AK9: variants seen among roughly 807,000 people sequenced by gnomAD.
The protein encoded by AK9 is adenylate kinase domain containing 1.
A neutral mutation model predicts 239.6 loss-of-function variants in AK9; 191 were observed. That is an observed-to-expected ratio of 0.80 (90% confidence interval 0.71 to 0.90). AK9 has a LOEUF of 0.90. Among genes scored for constraint, AK9 ranks in the 40% least tolerant of loss-of-function variants. The probability of loss-of-function intolerance (pLI) is 0.00; values close to 1 mark genes in which losing one functional copy is unlikely to be tolerated. For synonymous variants in AK9, 689 were observed against 721.0 expected (o/e 0.96, Z 0.71); for missense variants, 1,995 against 2,214.7 (o/e 0.90, Z 1.99).
chr6:109,494,445 G>T (rs940396305), intron 39 of AK9: 1 of 167,136 alleles, frequency 6.0e-6, no homozygotes, highest in African/African-American at 2.4e-5. Flanking sequence ...ATCTTGGCCC[G>T]TATCTGCTTT....
At chr6:109,669,336 AGG>A (rs1386763470) in intron 5 of AK9, among the ~76,000 whole-genome samples, 8 of 152,226 alleles carry the variant, frequency 5.3e-5, no homozygotes, top group African/African-American at 1.9e-4. Flanking sequence ...ATCTGCAAAC[AGG>A]GACAATTTGA....
At chr6:109,632,225 C>A (rs1796157565) in intron 12 of AK9, 1 of 985,258 alleles carries the variant, frequency 1.0e-6, no homozygotes, top group African/African-American at 1.7e-5. Flanking sequence ...TAAAAGAATG[C>A]AACAGCACTT....
chr6:109,564,667 G>T, intron 22 of AK9, 89 bp downstream of exon 22: 1 of 915,040 alleles, frequency 1.1e-6, no homozygotes, highest in Non-Finnish European at 1.6e-6. Flanking sequence ...TAAGTATGAC[G>T]CACCTACTAT....
At chr6:109,580,578 G>A (rs1040205208) in intron 19 of AK9, among the ~76,000 whole-genome samples, 49 of 152,274 alleles carry the variant, frequency 3.2e-4, no homozygotes, top group African/African-American at 1.1e-3. Flanking sequence ...CCTCAGACCT[G>A]TTATTTTCTC....
intron 3 of AK9, among the ~76,000 whole-genome samples, chr6:109,673,693 A>AC (rs1333066377): frequency 2.6e-5 from 4 of 152,138 alleles, no homozygotes; most frequent in Admixed American, 2.6e-4. Context: ...ATAAAAAGAC[A>AC]CCCAAACACA....
chr6:109,651,069 C>T (rs931007121), intron 8 of AK9, among the ~76,000 whole-genome samples: 26 of 150,188 alleles, frequency 1.7e-4, no homozygotes, highest in African/African-American at 4.6e-4. Context: ...CATCACACAC[C>T]GGGGACTGTT....
intron 5 of AK9, among the ~76,000 whole-genome samples, chr6:109,671,214 T>C (rs1770834834): frequency 6.6e-6 from 1 of 152,240 alleles, no homozygotes; most frequent in South Asian, 2.1e-4. Flanking sequence ...TGTCTTCTTC[T>C]AACTTACTAA....
chr6:109,506,391 T>C lies in AK9; in HGVS notation c.4785A>G (p.Glu1595=), dbSNP rs760378066. ...GFHSKWWVWN[E]VIKNVQMVNK... ...TCACCATTTGAACATTCTTAATGAC[T>C]TCATTCCATACCCACCATTTGCTGT... The change falls in exon 35 of 41, where the codon GAA becomes GAG. Residue 1595 remains glutamate, a synonymous_variant. Coordinates refer to ENST00000424296, the MANE Select transcript of AK9 (RefSeq NM_001145128.3). 6.2e-7 allele frequency: 1 copy of C among 1,613,894 alleles called. No homozygotes were observed. The highest frequency in any genetic ancestry group is 8.5e-7 in the Non-Finnish European group (1 of 1,179,950).
At position 109,573,550 on chromosome 6, in the gene AK9, C is replaced by T; in HGVS notation, c.2236G>A (p.Asp746Asn). ...DNEDEEEIEG[D>N]ELEVHEEPEA... ...GGCTCTTCGTGAACTTCCAACTCAT[C>T]ACCTTCAATCTCCTCTTCATCCTCA... Residue 746 changes from aspartate to asparagine, a missense_variant, in exon 21 of 41, where the codon GAT (aspartate) becomes AAT (asparagine). By Grantham distance (23) the Asp-to-Asn change is conservative. Transcript: ENST00000424296. The T allele has an allele frequency of 6.4e-7, 1 of 1,550,930 alleles. No individual in the cohort carries two copies.
At chr6:109,541,608 C>T (rs1782894139) in intron 27 of AK9, among the ~76,000 whole-genome samples, 2 of 152,270 alleles carry the variant, frequency 1.3e-5, no homozygotes, top group Admixed American at 6.5e-5. Context: ...CAGAGTTTCT[C>T]CATGTTGGTC....
chr6:109,562,036 G>T (rs1352050294), intron 24 of AK9, among the ~76,000 whole-genome samples: 2 of 152,148 alleles, frequency 1.3e-5, no homozygotes, highest in African/African-American at 2.4e-5. Flanking sequence ...GACACTCAAA[G>T]AAAATGCTTA....
In AK9 at chr6:109,583,641, T is replaced by C. The variant is rs372251602; in HGVS notation, c.2114+1482A>G. Among the ~76,000 whole-genome samples the C allele has an allele frequency of 4.4e-4, 67 of 151,940 alleles. 2 individuals are homozygous for C. The South Asian group carries it at 0.014, about 31-fold the overall frequency. On this transcript the variant is annotated intron_variant, in intron 19 of 40. Transcript: ENST00000424296. ...AATCTGGGCAGGTGATATTAAGGAG[T>C]TTATAAAGATGTAAAAATTTAGAAT...
At chr6:109,621,908 A>AC (rs1562506436) in intron 12 of AK9, among the ~76,000 whole-genome samples, 32 of 40,738 alleles carry the variant, frequency 7.9e-4, no homozygotes, top group African/African-American at 1.5e-3. Context: ...AAAAAAAAAA[A>AC]AAAACAAAAA....
intron 17 of AK9, among the ~76,000 whole-genome samples, chr6:109,603,532 A>G (rs1562481139): frequency 6.6e-6 from 1 of 152,106 alleles, no homozygotes; most frequent in East Asian, 1.9e-4. Flanking sequence ...GACCCACTTG[A>G]GGAGGCAGTC....
At chr6:109,579,256 C>T (rs1027632960) in intron 20 of AK9, 8 of 241,334 alleles carry the variant, frequency 3.3e-5, no homozygotes, top group Admixed American at 5.6e-5. Context: ...AAAGACAAGC[C>T]GTGTGTGCTA....
chr6:109,550,251 AGT>A lies in AK9; in HGVS notation c.2801_2802del (p.His934LeufsTer34). 6.2e-7 allele frequency: 1 copy of A among 1,613,026 alleles called. No individual in the cohort carries two copies. The highest frequency in any genetic ancestry group is 1.3e-5 in the African/African-American group (1 of 75,014). On this transcript the variant is annotated frameshift_variant, in exon 25 of 41. Coordinates refer to ENST00000424296, the MANE Select transcript of AK9 (RefSeq NM_001145128.3). LOFTEE classifies it high-confidence loss of function. ...ERKRHLGDTK[H>X]FCPVVLKENF... ...TTTTCTTTGAGGACCACCGGACAAA[AGT>A]GTTTTGTGTCTCCCAAATGCCTCTT...
intron 17 of AK9, among the ~76,000 whole-genome samples, chr6:109,593,235 C>A (rs1178396821): frequency 2.0e-5 from 3 of 151,964 alleles, no homozygotes; most frequent in Admixed American, 1.3e-4. Flanking sequence ...CTTTCATATC[C>A]TAAATTGTTT....
intron 8 of AK9, among the ~76,000 whole-genome samples, chr6:109,645,617 C>T (rs12205140): frequency 0.35 from 52,580 of 152,088 alleles, 9,558 homozygotes; most frequent in South Asian, 0.44. Flanking sequence ...GTAGACTCCA[C>T]CTCTGGGGGC....
At chr6:109,493,707 A>G in intron 40 of AK9, 136 bp from the exon 41 acceptor site, 1 of 848,728 alleles carries the variant, frequency 1.2e-6, no homozygotes, top group Non-Finnish European at 1.8e-6. Context: ...TAAAATCTGG[A>G]GATTATTCTG....
Sources: allele counts gnomAD v4.1 joint callset (sites outside exome capture counted in the v4.1 genomes callset), GRCh38; gene constraint gnomAD v4.1.1; transcripts MANE v1.5; gene names NCBI Gene and HGNC (gene_info 2026-07-23, HGNC 2026-07-21).